The following SCAMP4 variants were observed in gnomAD, a reference collection of about 807,000 sequenced individuals.
The protein encoded by SCAMP4 is secretory carrier-associated membrane protein 4.
In SCAMP4, 19 loss-of-function variants were observed where a neutral mutation model predicts 32.1. The ratio of observed to expected loss-of-function variants is 0.59; its 90% CI spans 0.41 to 0.87. SCAMP4 has a LOEUF of 0.87. Among genes scored for constraint, SCAMP4 ranks in the 40% least tolerant of loss-of-function variants. SCAMP4 has a pLI of 0.00. For synonymous variants in SCAMP4, 152 were observed against 132.7 expected, an observed-to-expected ratio of 1.15 and a Z score of -1.00; for missense variants, 302 against 309.0, an observed-to-expected ratio of 0.98 and a Z score of 0.17.
intron 5 of SCAMP4, chr19:1,922,842 C>T (rs1437172295): frequency 1.6e-6 from 2 of 1,257,670 alleles, no homozygotes; most frequent in East Asian, 7.0e-5. Context: ...GTCCACTGCA[C>T]ACGCGGCTCA....
At chr19:1,920,593 G>C (rs932574951) in intron 5 of SCAMP4, 7 of 985,326 alleles carry the variant, frequency 7.1e-6, no homozygotes, top group Non-Finnish European at 8.4e-6. Context: ...CATAGTGAGC[G>C]TGTGCCTGGG....
chr19:1,911,395 C>T (rs1599237974), intron 1 of SCAMP4, among the ~76,000 whole-genome samples: 1 of 151,564 alleles, frequency 6.6e-6, no homozygotes, highest in African/African-American at 2.4e-5. Flanking sequence ...TGGTCTTAAA[C>T]TCCTGGGCTC....
rs911767020 is a variant in SCAMP4 at position 1,908,198 on chromosome 19, C to G, written c.-42+2759C>G. 18 of 274,918 alleles carry G rather than the reference C, an allele frequency of 6.5e-5. No individual in the cohort carries two copies. Among genetic ancestry groups the G allele is most frequent in the Middle Eastern group, 1.3e-3 (1 of 752 alleles). 17.0% of individuals were successfully genotyped at this position (274,918 alleles called of 1,614,324 possible). ...GCGAGTCGGCTGCTATGGGCCCCAC[C>G]TGGCACGGGGCCTCGGGCAGCGGCA... On this transcript the variant is annotated intron_variant, in intron 1 of 6. Transcript: ENST00000316097. The surrounding 1 kb of genome is among the most constrained non-coding windows in gnomAD (Gnocchi z 4.2).
chr19:1,913,145 C>A, intron 1 of SCAMP4: 2 of 1,546,730 alleles, frequency 1.3e-6, no homozygotes, highest in Non-Finnish European at 1.7e-6. Context: ...TGGACCCCGA[C>A]ACGTAGGCGC....
Position 1,908,319 on chromosome 19 carries a change from G to A in SCAMP4, c.-42+2880G>A. 1 of 352,564 alleles carries A rather than the reference G, an allele frequency of 2.8e-6. No individual in the cohort carries two copies. 21.8% of individuals were successfully genotyped at this position (352,564 alleles called of 1,614,324 possible). ...CGCGTGAGCTTCGGGCAGCGCTGGG[G>A]CCGCTTCAGCGTGACCTCCAAGGCC... On this transcript the variant is annotated intron_variant, in intron 1 of 6. Coordinates refer to ENST00000316097, the MANE Select transcript of SCAMP4 (RefSeq NM_079834.4). This position sits in a 1 kb window ranked among gnomAD's most constrained non-coding sequence, Gnocchi z 4.2.
intron 1 of SCAMP4, among the ~76,000 whole-genome samples, chr19:1,909,376 T>C (rs1329049239): frequency 6.6e-6 from 1 of 152,180 alleles, no homozygotes; most frequent in East Asian, 1.9e-4. Context: ...TCCCTTCTAA[T>C]GGGCGGATCC....
chr19:1,909,373 T>C (rs2013314055), intron 1 of SCAMP4, among the ~76,000 whole-genome samples: 1 of 152,166 alleles, frequency 6.6e-6, no homozygotes, highest in South Asian at 2.1e-4. Flanking sequence ...GGCTCCCTTC[T>C]AATGGGCGGA....
At chr19:1,919,146 TCCTCGCCAGCGC>T (rs1489352400) in intron 5 of SCAMP4, 156 bp downstream of exon 5, 74 of 1,452,904 alleles carry the variant, frequency 5.1e-5, no homozygotes, top group Non-Finnish European at 6.3e-5. Context: ...AGCGCCCGCG[TCCTCGCCAGCGC>T]CCGCGTCCTC....
At chr19:1,918,102 A>G (rs2013794714) in intron 3 of SCAMP4, 25 bp from the exon 4 acceptor site, 1 of 1,593,668 alleles carries the variant, frequency 6.3e-7, no homozygotes, top group African/African-American at 1.3e-5. Context: ...GTGCCTGCTC[A>G]TCCGTCCTCC....
chr19:1,912,850 C>G lies in SCAMP4; in HGVS notation c.-41-2129C>G, dbSNP rs780093794. The G allele has an allele frequency of 2.5e-6, 4 of 1,596,380 alleles. No individual in the cohort carries two copies. The highest frequency in any genetic ancestry group is 3.4e-6 in the Non-Finnish European group (4 of 1,176,832). ...AGACCCTTCCCCGCCTGCTCCTTCG[C>G]CCCGGCCGCTGCCCCCCAGGCCGTC... On this transcript the variant is annotated intron_variant, in intron 1 of 6. Transcript: ENST00000316097.
In SCAMP4 at chr19:1,908,405, G is replaced by A; in HGVS notation, c.-42+2966G>A. On this transcript the variant is annotated intron_variant, in intron 1 of 6. Coordinates refer to ENST00000316097, the MANE Select transcript of SCAMP4 (RefSeq NM_079834.4). The surrounding 1 kb of genome is among the most constrained non-coding windows in gnomAD (Gnocchi z 4.2). ...TCTGTGGGGCGCCCCGGCGGCTGAGGCGTGGACCAGGCAGTGCATGTCGAG... is the reference window on the plus strand; with the variant it reads ...TCTGTGGGGCGCCCCGGCGGCTGAGACGTGGACCAGGCAGTGCATGTCGAG... 1 of 441,692 alleles carries A rather than the reference G, an allele frequency of 2.3e-6. No homozygotes were observed. The allele number at this position is 441,692 out of a possible 1,614,324, so 27.4% of individuals were successfully genotyped here.
chr19:1,914,544 G>A, intron 1 of SCAMP4: 1 of 223,384 alleles, frequency 4.5e-6, no homozygotes, highest in South Asian at 6.1e-5. Flanking sequence ...TGTCAGGCCA[G>A]GTGGGGCTGC....
At chr19:1,912,296 C>A (rs750150477) in intron 1 of SCAMP4, 34 of 1,566,358 alleles carry the variant, frequency 2.2e-5, no homozygotes, top group Non-Finnish European at 2.8e-5. Flanking sequence ...CGGCCCTGCA[C>A]CCGCTCCCCG....
intron 1 of SCAMP4, chr19:1,912,672 C>T (rs1009299575): frequency 5.6e-6 from 8 of 1,437,700 alleles, no homozygotes; most frequent in Non-Finnish European, 5.4e-6. Context: ...GCGGGGCTTG[C>T]GGGCCGTGGG....
chr19:1,912,529 A>C, intron 1 of SCAMP4: 5 of 1,498,384 alleles, frequency 3.3e-6, no homozygotes, highest in Non-Finnish European at 3.5e-6. Context: ...GCCCGGGCCC[A>C]CTGGCCCACG....
intron 5 of SCAMP4, chr19:1,922,636 C>T: frequency 3.0e-6 from 3 of 986,262 alleles, no homozygotes; most frequent in Non-Finnish European, 3.6e-6. Context: ...TCAGCAGTTC[C>T]CATCATTAGA....
At chr19:1,905,480 G>C (rs1191125654) in intron 1 of SCAMP4, 41 bp downstream of exon 1, 3 of 447,802 alleles carry the variant, frequency 6.7e-6, no homozygotes, top group Non-Finnish European at 1.4e-5. Context: ...TCCAGGCTCA[G>C]ACTTCCCCAG....
intron 4 of SCAMP4, 147 bp downstream of exon 4, chr19:1,918,430 A>G (rs1273756352): frequency 7.0e-6 from 7 of 1,000,736 alleles, no homozygotes; most frequent in Non-Finnish European, 8.4e-6. Context: ...ACTGTGGCCC[A>G]CAAGCCAGAG....
intron 3 of SCAMP4, 85 bp downstream of exon 3, chr19:1,917,907 T>G (rs1249529767): frequency 6.4e-7 from 1 of 1,559,070 alleles, no homozygotes; most frequent in Non-Finnish European, 8.8e-7. Context: ...GGGCAGCCCG[T>G]CGGGGGCCCA....
Sources: allele counts gnomAD v4.1 joint callset (sites outside exome capture counted in the v4.1 genomes callset), GRCh38; gene constraint gnomAD v4.1.1; non-coding constraint Gnocchi (gnomAD v3.1); transcripts MANE v1.5; gene names NCBI Gene and HGNC (gene_info 2026-07-23, HGNC 2026-07-21).